TRPM7: variants seen among roughly 807,000 people sequenced by gnomAD.
TRPM7 encodes LTRPC ion channel family member 7.
In TRPM7, 134 loss-of-function variants were observed where a neutral mutation model predicts 229.7. The observed-to-expected ratio is 0.58, with a 90% confidence interval of 0.51 to 0.67. The LOEUF (loss-of-function observed/expected upper bound fraction) is 0.67, where lower values mean the gene tolerates loss of function less well. Ranked by LOEUF, TRPM7 falls within the 30% of genes least tolerant of loss-of-function variation. The pLI, the probability that TRPM7 is intolerant of heterozygous loss-of-function variation, is 0.00. For synonymous variants in TRPM7, 699 were observed against 715.2 expected, an observed-to-expected ratio of 0.98 and a Z score of 0.36; for missense variants, 1,901 against 2,210.0, an observed-to-expected ratio of 0.86 and a Z score of 2.80.
intron 22 of TRPM7, among the ~76,000 whole-genome samples, 166 bp from the exon 23 acceptor site, chr15:50,596,547 A>T (rs1303494707): frequency 6.6e-6 from 1 of 152,218 alleles, no homozygotes; most frequent in African/African-American, 2.4e-5. Flanking sequence ...AAGGAGACAT[A>T]GGAACCCCAG....
At chr15:50,640,393 C>A (rs560340252) in intron 5 of TRPM7, among the ~76,000 whole-genome samples, 2 of 152,056 alleles carry the variant, frequency 1.3e-5, no homozygotes, top group African/African-American at 4.8e-5. Context: ...CCTCCCACCT[C>A]AGCCTCCCAA....
chr15:50,658,420 AT>A (rs745721011), intron 2 of TRPM7, among the ~76,000 whole-genome samples: 4 of 151,900 alleles, frequency 2.6e-5, no homozygotes, highest in Non-Finnish European at 1.5e-5. Context: ...AAAAAAAAAA[AT>A]TAGCTAGGGG....
In TRPM7 at chr15:50,609,941, A is replaced by C. The variant is rs752122870; in HGVS notation, c.2301T>G (p.Val767=). Reference sequence around the variant, plus strand: ...ACTCTAACAGCAATATGGCAGGTGGAACTAAAATGCTTAGTATGACCTAAA... The same window carrying C: ...ACTCTAACAGCAATATGGCAGGTGGCACTAAAATGCTTAGTATGACCTAAA... The part of the protein sequence containing the change: ...SWYKVILSIL[V]PPAILLLEYK... Residue 767 remains valine (V), a synonymous_variant, in exon 18 of 39, where the codon GTT becomes GTG. Coordinates refer to ENST00000646667, the MANE Select transcript of TRPM7 (RefSeq NM_017672.6). 3 of 1,607,022 alleles carry C rather than the reference A, an allele frequency of 1.9e-6. No individual in the cohort carries two copies. The highest frequency in any genetic ancestry group is 2.5e-6 in the Non-Finnish European group (3 of 1,176,778).
In TRPM7 at chr15:50,686,581, T is replaced by C. The variant is rs2062365532; in HGVS notation, c.-48A>G. Reference sequence around the variant, plus strand: ...GAAGGGCAGCAACTCCACCTCCTCCTCCTCCGCGGCCTGTAGCCATCTATC... The same window carrying C: ...GAAGGGCAGCAACTCCACCTCCTCCCCCTCCGCGGCCTGTAGCCATCTATC... On this transcript the variant is annotated 5_prime_UTR_variant, in exon 1 of 39. Coordinates refer to ENST00000646667, the MANE Select transcript of TRPM7 (RefSeq NM_017672.6). 6.2e-7 allele frequency: 1 copy of C among 1,606,276 alleles called. No individual in the cohort carries two copies. Among genetic ancestry groups the C allele is most frequent in the Middle Eastern group, 1.7e-4 (1 of 6,018 alleles).
intron 3 of TRPM7, among the ~76,000 whole-genome samples, chr15:50,654,379 A>G (rs966422903): frequency 5.3e-5 from 8 of 151,270 alleles, no homozygotes; most frequent in Admixed American, 5.3e-4. Flanking sequence ...CCCGGGAGGC[A>G]GAGGGTGCAG....
chr15:50,611,792 C>T (rs2060068738), intron 16 of TRPM7, among the ~76,000 whole-genome samples: 1 of 152,232 alleles, frequency 6.6e-6, no homozygotes, highest in South Asian at 2.1e-4. Flanking sequence ...TAACAATTAT[C>T]ACTGCCCTCT....
rs2062370037 is a variant in TRPM7 at position 50,686,791 on chromosome 15, TGG to T, written c.-260_-259del. ...CGCCCGCCTCCGCCGGCGACGGGGC[TGG>T]GGACGGACCACGTGAGCGGCGCGGC... On this transcript the variant is annotated 5_prime_UTR_variant, in exon 1 of 39. Coordinates refer to ENST00000646667, the MANE Select transcript of TRPM7 (RefSeq NM_017672.6). The T allele has an allele frequency of 2.6e-6, 1 of 384,952 alleles. No individual in the cohort carries two copies. Among genetic ancestry groups the T allele is most frequent in the Admixed American group, 4.7e-5 (1 of 21,126 alleles). 23.8% of individuals were successfully genotyped at this position (384,952 alleles called of 1,614,324 possible).
At chr15:50,569,012 C>G (rs2053746202) in intron 38 of TRPM7, among the ~76,000 whole-genome samples, 1 of 151,904 alleles carries the variant, frequency 6.6e-6, no homozygotes, top group Non-Finnish European at 1.5e-5. Flanking sequence ...AACAAACAAA[C>G]AGCTCAAGGG....
At chr15:50,653,717 T>C (rs1436054355) in intron 3 of TRPM7, among the ~76,000 whole-genome samples, 1 of 152,070 alleles carries the variant, frequency 6.6e-6, no homozygotes, top group Non-Finnish European at 1.5e-5. Flanking sequence ...TTGGAATTTG[T>C]AGCAGAGTTA....
Position 50,624,282 on chromosome 15 carries a change from C to T in TRPM7, c.1324G>A (p.Ala442Thr), listed in dbSNP as rs1267930898. 2.5e-6 allele frequency: 4 copies of T among 1,606,306 alleles called. No individual in the cohort carries two copies. The highest frequency in any genetic ancestry group is 1.7e-6 in the Non-Finnish European group (2 of 1,177,424). Residue 442 changes from alanine (A) to threonine (T), a missense_variant, in exon 12 of 39, where the codon GCT becomes ACT. This residue lies in a region of TRPM7 where 794 missense variants were observed against 881.9 expected (regional missense o/e 0.90). Coordinates refer to ENST00000646667, the MANE Select transcript of TRPM7 (RefSeq NM_017672.6). ...TCCATTACAAGAGCATCAAGCATAG[C>T]TTGTTCCAAGGATCCAACCTAGGAG... ...QQWLVGSLEQ[A>T]MLDALVMDRV... is the part of the protein sequence containing the mutation.
At chr15:50,601,955 CTTTTTTTTTT>C (rs1237498865) in intron 21 of TRPM7, among the ~76,000 whole-genome samples, 1 of 128,286 alleles carries the variant, frequency 7.8e-6, no homozygotes, top group Non-Finnish European at 1.7e-5. Flanking sequence ...CACATATTTT[CTTTTTTTTTT>C]TTTTAATGAT....
chr15:50,680,144 G>C (rs1013418259), intron 1 of TRPM7, among the ~76,000 whole-genome samples: 1 of 152,064 alleles, frequency 6.6e-6, no homozygotes, highest in Non-Finnish European at 1.5e-5. Flanking sequence ...TGACAGAGGA[G>C]AATCACTTGA....
intron 10 of TRPM7, among the ~76,000 whole-genome samples, chr15:50,629,294 A>G (rs964794891): frequency 1.3e-5 from 2 of 149,298 alleles, no homozygotes; most frequent in African/African-American, 5.0e-5. Context: ...CTTTTCTGAG[A>G]CCGAGTCTCT....
intron 5 of TRPM7, among the ~76,000 whole-genome samples, chr15:50,640,456 T>TC (rs1253582310): frequency 4.7e-4 from 69 of 147,214 alleles, no homozygotes; most frequent in Admixed American, 6.8e-4. Context: ...TTTTTTTCTT[T>TC]TTTTTTTTTT....
chr15:50,585,357 C>T (rs2054649572), intron 28 of TRPM7, among the ~76,000 whole-genome samples: 1 of 152,178 alleles, frequency 6.6e-6, no homozygotes, highest in Non-Finnish European at 1.5e-5. Flanking sequence ...GCCACCTGGC[C>T]CACTCTACCA....
At chr15:50,664,771 G>T (rs1055887830) in intron 1 of TRPM7, among the ~76,000 whole-genome samples, 2 of 152,056 alleles carry the variant, frequency 1.3e-5, no homozygotes, top group African/African-American at 4.8e-5. Context: ...GACCAGCTGG[G>T]TAACACAGTG....
At position 50,561,604 on chromosome 15, in the gene TRPM7, C is replaced by T; in HGVS notation, c.*74G>A. 6.4e-7 allele frequency: 1 copy of T among 1,567,218 alleles called. No homozygotes were observed. Among genetic ancestry groups the T allele is most frequent in the Non-Finnish European group, 8.7e-7 (1 of 1,153,618 alleles). On this transcript the variant is annotated 3_prime_UTR_variant, in exon 39 of 39. Coordinates refer to ENST00000646667, the MANE Select transcript of TRPM7 (RefSeq NM_017672.6). ...ACCTTTCTATATTACCAAACAATTTCCTCCCGAGGGAAAAGTGACACAGTA... is the reference window on the plus strand; with the variant it reads ...ACCTTTCTATATTACCAAACAATTTTCTCCCGAGGGAAAAGTGACACAGTA...
chr15:50,588,648 T>C (rs2059404213), intron 27 of TRPM7, among the ~76,000 whole-genome samples: 1 of 152,202 alleles, frequency 6.6e-6, no homozygotes, highest in South Asian at 2.1e-4. Context: ...TCACTTAACA[T>C]TTCTATAATG....
chr15:50,678,969 G>A (rs112895253), intron 1 of TRPM7, among the ~76,000 whole-genome samples: 3,085 of 152,238 alleles, frequency 0.02, 121 homozygotes, highest in African/African-American at 0.071. Flanking sequence ...CACCTCCTGG[G>A]TTCAAGAGAT....
Sources: gnomAD v4.1 joint callset for allele counts (sites outside exome capture counted in the v4.1 genomes callset) on GRCh38, gnomAD v4.1.1 for gene constraint, gnomAD v4.1.1 regional missense constraint, MANE v1.5 for transcripts, NCBI Gene and HGNC (gene_info 2026-07-23, HGNC 2026-07-21) for gene names.